The following DACH2 variants were observed in gnomAD, a reference collection of about 807,000 sequenced individuals.
DACH2 encodes dachshund homolog 2.
DACH2 carries 17 observed loss-of-function variants against 35.8 expected under a neutral mutation model. That is an observed-to-expected ratio of 0.48 (90% CI 0.33 to 0.71). The LOEUF (loss-of-function observed/expected upper bound fraction) is 0.71, where lower values mean the gene tolerates loss of function less well. Among genes scored for constraint, DACH2 ranks in the 30% least tolerant of loss-of-function variants. The pLI is 0.02. For synonymous variants in DACH2, 195 were observed against 177.3 expected (o/e 1.10, Z -0.79); for missense variants, 469 against 472.7 (o/e 0.99, Z 0.07).
intron 3 of DACH2, among the ~76,000 whole-genome samples, chrX:86,571,942 AT>A (rs992050270): frequency 5.4e-5 from 6 of 110,805 alleles, no homozygotes; most frequent in Non-Finnish European, 1.1e-4. Flanking sequence ...ATGCTTTATG[AT>A]TTTTAGGGTA....
intron 4 of DACH2, among the ~76,000 whole-genome samples, chrX:86,682,570 GGTAA>G (rs1286175466): frequency 1.8e-5 from 2 of 111,653 alleles, no homozygotes; most frequent in Non-Finnish European, 3.8e-5. Context: ...ACATATATGT[GGTAA>G]GTGTTTTGTA....
chrX:86,674,853 G>T (rs889875629), intron 4 of DACH2, among the ~76,000 whole-genome samples: 1 of 110,445 alleles, frequency 9.1e-6, no homozygotes. Flanking sequence ...AAGAAGTCTT[G>T]CCCCATGCTT....
rs953814396 is a variant in DACH2 at position 86,220,880 on chromosome X, T to C, written c.488+71772T>C. The stretch of plus-strand genomic sequence containing the variant: ...TTCTTCACATCCTTGCTAATGCTTG[T>C]TATCTTTTATAAAAATTAATAGCCA... On this transcript the variant is annotated intron_variant, in intron 1 of 11. Transcript: ENST00000373125. Among the ~76,000 whole-genome samples the C allele has an allele frequency of 3.6e-5, 4 of 112,116 alleles. No homozygotes were observed. In the Admixed American group the frequency reaches 3.8e-4, roughly 11 times the overall value.
intron 1 of DACH2, among the ~76,000 whole-genome samples, chrX:86,160,039 T>G (rs1305940942): frequency 5.7e-5 from 6 of 104,958 alleles, no homozygotes; most frequent in Admixed American, 4.0e-4. Flanking sequence ...AACTGCCACA[T>G]GTAAAAAAAA....
intron 3 of DACH2, among the ~76,000 whole-genome samples, chrX:86,638,761 C>T (rs1470493248): frequency 9.0e-6 from 1 of 111,208 alleles, no homozygotes; most frequent in East Asian, 2.8e-4. Flanking sequence ...AAAAAGATAA[C>T]AAATGTTGGT....
In DACH2 at chrX:86,197,590, G is replaced by GA. The variant is rs760224575; in HGVS notation, c.488+48491dup. On this transcript the variant is annotated intron_variant, in intron 1 of 11. Transcript: ENST00000373125. Reference sequence around the variant, plus strand: ...AAATCTACCAAGCAAATAGAAAACAGAAAAAAAAAGCAGGGGTTCTAATCC... The same window carrying GA: ...AAATCTACCAAGCAAATAGAAAACAGAAAAAAAAAAGCAGGGGTTCTAATCC... 3.9e-3 allele frequency among the ~76,000 whole-genome samples: 411 copies of GA among 106,070 alleles called. 1 individual carries two copies. The highest frequency in any genetic ancestry group is 0.011 in the African/African-American group (308 of 29,246). 92.1% of individuals were successfully genotyped at this position (106,070 alleles called of 115,157 possible).
At position 86,623,207 on chromosome X, in the gene DACH2, A is replaced by C. The variant is rs773450993; in HGVS notation, c.641-27829A>C. Among the ~76,000 whole-genome samples the C allele has an allele frequency of 3.6e-3, 405 of 111,996 alleles. 1 individual carries two copies. The highest frequency in any genetic ancestry group is 5.8e-3 in the Non-Finnish European group (306 of 53,175). ...ACATAATTATAATAAAAGGCAAAAA[A>C]CCCATATTTATAAGCATACATATGT... On this transcript the variant is annotated intron_variant, in intron 3 of 11. Transcript: ENST00000373125.
chrX:86,393,982 ATG>A (rs886853768), intron 2 of DACH2, among the ~76,000 whole-genome samples: 16 of 107,442 alleles, frequency 1.5e-4, no homozygotes, highest in African/African-American at 4.7e-4. Flanking sequence ...ATCATTATAA[ATG>A]TCTTTTTTTT....
chrX:86,329,613 G>A (rs746526674), intron 1 of DACH2, among the ~76,000 whole-genome samples: 1 of 110,980 alleles, frequency 9.0e-6, no homozygotes, highest in African/African-American at 3.3e-5. Context: ...ATGAGTACCA[G>A]TGAGCTTTGG....
intron 3 of DACH2, among the ~76,000 whole-genome samples, chrX:86,534,967 CAAAGTTATCT>C (rs1052401354): frequency 4.5e-5 from 5 of 111,518 alleles, no homozygotes; most frequent in Admixed American, 1.9e-4. Flanking sequence ...AAATTTGAAA[CAAAGTTATCT>C]AGTTATCTGC....
At chrX:86,560,047 A>C (rs1232267435) in intron 3 of DACH2, among the ~76,000 whole-genome samples, 1 of 51,665 alleles carries the variant, frequency 1.9e-5, no homozygotes, top group Non-Finnish European at 3.2e-5. Flanking sequence ...GATGGTCTTT[A>C]CATTTTGGCA....
intron 2 of DACH2, among the ~76,000 whole-genome samples, chrX:86,379,964 A>C (rs1353033290): frequency 9.0e-6 from 1 of 111,020 alleles, no homozygotes; most frequent in Non-Finnish European, 1.9e-5. Flanking sequence ...CTAAAACTCT[A>C]ATAATTAAGG....
intron 6 of DACH2, among the ~76,000 whole-genome samples, chrX:86,725,824 G>A (rs2041462846): frequency 9.0e-6 from 1 of 111,316 alleles, no homozygotes; most frequent in Non-Finnish European, 1.9e-5. Context: ...TAGTTCCCCT[G>A]GCCTGCTGGT....
At chrX:86,502,344 C>G (rs5922246) in intron 2 of DACH2, among the ~76,000 whole-genome samples, 52,535 of 110,215 alleles carry the variant, frequency 0.48, 9,219 homozygotes, top group Middle Eastern at 0.61. Flanking sequence ...GTTATCACAA[C>G]TTCTCTCATG....
At position 86,316,848 on chromosome X, in the gene DACH2, G is replaced by A. The variant is rs775090806; in HGVS notation, c.489-59976G>A. On this transcript the variant is annotated intron_variant, in intron 1 of 11. Transcript: ENST00000373125. ...GAATATAGGGTCCAAGGCTGGGCAC[G>A]GTGCCTCACGCCTGTAATCCCAGCA... Among the ~76,000 whole-genome samples the A allele has an allele frequency of 5.4e-5, 6 of 111,292 alleles. No homozygotes were observed. In the Admixed American group the frequency reaches 5.7e-4, roughly 11 times the overall value.
At chrX:86,432,444 G>A (rs1368351368) in intron 2 of DACH2, among the ~76,000 whole-genome samples, 1 of 112,187 alleles carries the variant, frequency 8.9e-6, no homozygotes, top group Admixed American at 9.5e-5. Context: ...ACTGCCATTA[G>A]TAAATGCTGT....
intron 1 of DACH2, among the ~76,000 whole-genome samples, chrX:86,234,671 T>C (rs2033019176): frequency 1.8e-5 from 2 of 109,154 alleles, no homozygotes; most frequent in East Asian, 5.8e-4. Flanking sequence ...TGGAGTGCAG[T>C]GGTGCGATCT....
At chrX:86,638,311 C>G (rs765593905) in intron 3 of DACH2, among the ~76,000 whole-genome samples, 1 of 111,431 alleles carries the variant, frequency 9.0e-6, no homozygotes, top group Non-Finnish European at 1.9e-5. Flanking sequence ...TAAAAATATC[C>G]GAAGAAAACC....
At chrX:86,603,044 C>T (rs2039810849) in intron 3 of DACH2, among the ~76,000 whole-genome samples, 1 of 111,478 alleles carries the variant, frequency 9.0e-6, no homozygotes, top group Admixed American at 9.6e-5. Context: ...TATTTTCTCA[C>T]GGTTCTGGAT....
Sources: gnomAD v4.1 joint callset for allele counts (sites outside exome capture counted in the v4.1 genomes callset) on GRCh38, gnomAD v4.1.1 for gene constraint, MANE v1.5 for transcripts, NCBI Gene and HGNC (gene_info 2026-07-23, HGNC 2026-07-21) for gene names.